RBM25: variants seen among roughly 807,000 people sequenced by gnomAD.
The protein encoded by RBM25 is RNA-binding protein 25.
In RBM25, 19 loss-of-function variants were observed where a neutral mutation model predicts 120.7. The ratio of observed to expected loss-of-function variants is 0.16; its 90% confidence interval spans 0.11 to 0.23. The LOEUF is 0.23. Ranked by LOEUF, RBM25 falls within the 10% of genes least tolerant of loss-of-function variation. The probability of loss-of-function intolerance (pLI) is 1.00; values close to 1 mark genes in which losing one functional copy is unlikely to be tolerated. For synonymous variants in RBM25, 390 were observed against 326.7 expected (o/e 1.19, Z -2.09); for missense variants, 605 against 1,041.5 (o/e 0.58, Z 5.77).
rs184988981 is a variant in RBM25 at position 73,076,180 on chromosome 14, A to G, written c.107-139A>G. ...ATACCACATTCCTTTTGAAAATAAGATAGTATTTATCAGTATTTCACTTTC... is the reference window on the plus strand; with the variant it reads ...ATACCACATTCCTTTTGAAAATAAGGTAGTATTTATCAGTATTTCACTTTC... On this transcript the variant is annotated intron_variant, in intron 2 of 18. Transcript: ENST00000261973. 994 of 712,298 alleles carry G rather than the reference A, an allele frequency of 1.4e-3. 1 individual carries two copies. Among genetic ancestry groups the G allele is most frequent in the Non-Finnish European group, 1.8e-3 (766 of 421,924 alleles). The allele number at this position is 712,298 out of a possible 1,614,324, so 44.1% of individuals were successfully genotyped here.
chr14:73,120,004 C>G lies in RBM25; in HGVS notation c.*199C>G, dbSNP rs917901149. On this transcript the variant is annotated 3_prime_UTR_variant, in exon 19 of 19. Transcript: ENST00000261973. ...TAAAGTCATCTGAATCCTTGGTTCT[C>G]TTTATACTCACCAGGTACAAATTAC... 16 of 644,768 alleles carry G rather than the reference C, an allele frequency of 2.5e-5. No individual in the cohort carries two copies. The highest frequency in any genetic ancestry group is 2.3e-4 in the African/African-American group (12 of 51,182). The allele number at this position is 644,768 out of a possible 1,614,324, so 39.9% of individuals were successfully genotyped here.
Position 73,099,701 on chromosome 14 carries a change from A to G in RBM25, c.818A>G (p.Lys273Arg). The G allele has an allele frequency of 6.2e-7, 1 of 1,607,634 alleles. No individual in the cohort carries two copies. The highest frequency in any genetic ancestry group is 8.5e-7 in the Non-Finnish European group (1 of 1,178,504). Residue 273 changes from lysine (K) to arginine (R), a missense_variant, in exon 9 of 19, where the codon AAA (lysine) becomes AGA (arginine). By Grantham distance (26) the Lys-to-Arg change is conservative. Around this residue, in one of 4 missense-constraint regions of RBM25, gnomAD observed 465 missense variants for 741.6 expected, o/e 0.63. Transcript: ENST00000261973. ...DINAIEMEED[K>R]RDLISREISK... ...AATGCTATAGAAATGGAAGAAGACA[A>G]AAGAGACCTGATATCTCGAGAGATC...
chr14:73,114,754 C>T (rs1312055769), intron 18 of RBM25, among the ~76,000 whole-genome samples: 1 of 152,054 alleles, frequency 6.6e-6, no homozygotes, highest in Non-Finnish European at 1.5e-5. Flanking sequence ...ATTAGCTGTG[C>T]GTGGTGGCGT....
chr14:73,071,772 G>T (rs1420395732), intron 2 of RBM25, 25 bp downstream of exon 2: 1 of 1,547,656 alleles, frequency 6.5e-7, no homozygotes, highest in African/African-American at 1.4e-5. Flanking sequence ...ACTGTTTTTT[G>T]TCGTTAAACT....
rs760410851 is a variant in RBM25 at position 73,099,403 on chromosome 14, C to T, written c.753C>T (p.Ala251=). 9 of 1,602,912 alleles carry T rather than the reference C, an allele frequency of 5.6e-6. No homozygotes were observed. The highest frequency in any genetic ancestry group is 1.8e-5 in the Admixed American group (1 of 55,842). Residue 251 remains alanine (A), a synonymous_variant, in exon 8 of 19, where the codon GCC becomes GCT. Transcript: ENST00000261973. ...AGATTTTCCGCAGATTTCCAGTGGCCCCACTGATCCCTTATCCACTCATCA... is the reference window on the plus strand; with the variant it reads ...AGATTTTCCGCAGATTTCCAGTGGCTCCACTGATCCCTTATCCACTCATCA... The part of the protein sequence containing the change: ...KEDIFRRFPV[A]PLIPYPLITK...
intron 9 of RBM25, chr14:73,100,770 G>T (rs1172253574): frequency 1.3e-5 from 2 of 153,060 alleles, no homozygotes; most frequent in African/African-American, 4.8e-5. Context: ...CAGATGCCCA[G>T]CCCTTGCTCA....
intron 6 of RBM25, among the ~76,000 whole-genome samples, chr14:73,090,726 A>T (rs564352033): frequency 2.6e-5 from 4 of 152,224 alleles, no homozygotes; most frequent in Admixed American, 2.6e-4. Context: ...CCCATCTCTG[A>T]TTACAGATAG....
chr14:73,095,706 A>G (rs1193002549), intron 6 of RBM25, among the ~76,000 whole-genome samples: 1 of 152,230 alleles, frequency 6.6e-6, no homozygotes, highest in Non-Finnish European at 1.5e-5. Flanking sequence ...CTTGTGGTCA[A>G]CTTATAAAGT....
intron 5 of RBM25, 81 bp from the exon 6 acceptor site, chr14:73,087,920 T>A (rs907794400): frequency 7.3e-7 from 1 of 1,377,166 alleles, no homozygotes; most frequent in African/African-American, 1.5e-5. Flanking sequence ...ACATTTGGAC[T>A]CTAGTGATTC....
At chr14:73,112,578 T>A (rs2140463581) in intron 17 of RBM25, among the ~76,000 whole-genome samples, 1 of 152,250 alleles carries the variant, frequency 6.6e-6, no homozygotes, top group South Asian at 2.1e-4. Flanking sequence ...CTGAGAATGC[T>A]GTGCCATCTT....
At chr14:73,105,560 A>G (rs1896167680) in intron 10 of RBM25, among the ~76,000 whole-genome samples, 1 of 152,178 alleles carries the variant, frequency 6.6e-6, no homozygotes, top group South Asian at 2.1e-4. Flanking sequence ...ATTTCAGTAT[A>G]TGATGGGCAT....
rs754630446 is a variant in RBM25, at chr14:73,104,586, C to CG, written c.1154+1109dup. 2.0e-5 allele frequency among the ~76,000 whole-genome samples: 3 copies of CG among 151,942 alleles called. No individual in the cohort carries two copies. In the South Asian group the frequency reaches 6.3e-4, roughly 32 times the overall value. On this transcript the variant is annotated intron_variant, in intron 10 of 18. Transcript: ENST00000261973. ...TTTTGCTATGTTGCCCAGCTGGTCT[C>CG]GAACTCCTGAGCTCAGGTAATCTGC...
intron 6 of RBM25, among the ~76,000 whole-genome samples, chr14:73,091,233 T>C (rs946717050): frequency 2.0e-5 from 3 of 152,164 alleles, no homozygotes; most frequent in Admixed American, 6.5e-5. Flanking sequence ...TGCTTGCTTT[T>C]TTTGGGGTGG....
At chr14:73,060,259 G>C (rs552831592) in intron 1 of RBM25, among the ~76,000 whole-genome samples, 7 of 151,314 alleles carry the variant, frequency 4.6e-5, no homozygotes, top group Non-Finnish European at 7.4e-5. Flanking sequence ...GAATGGTCTC[G>C]ATTTCCTGAC....
intron 14 of RBM25, among the ~76,000 whole-genome samples, 171 bp from the exon 15 acceptor site, chr14:73,110,660 C>A (rs1165937410): frequency 6.6e-6 from 1 of 152,022 alleles, no homozygotes; most frequent in Non-Finnish European, 1.5e-5. Context: ...AACTCCTGAC[C>A]TCAGATGATC....
At chr14:73,090,241 G>A (rs1038153098) in intron 6 of RBM25, among the ~76,000 whole-genome samples, 1 of 151,706 alleles carries the variant, frequency 6.6e-6, no homozygotes. Flanking sequence ...AGTAGAGGTG[G>A]GATTTCTCCA....
At chr14:73,103,946 TCTCACACACA>T (rs1896118591) in intron 10 of RBM25, among the ~76,000 whole-genome samples, 1 of 43,868 alleles carries the variant, frequency 2.3e-5, no homozygotes, top group Non-Finnish European at 4.4e-5. Flanking sequence ...TCTCTCTCTC[TCTCACACACA>T]CACACACACA....
intron 5 of RBM25, among the ~76,000 whole-genome samples, chr14:73,086,491 G>C (rs528094383): frequency 6.6e-6 from 1 of 151,148 alleles, no homozygotes; most frequent in South Asian, 2.1e-4. Flanking sequence ...TTTTTCCAGT[G>C]TATACTAATT....
intron 18 of RBM25, among the ~76,000 whole-genome samples, chr14:73,114,561 T>A (rs1199476412): frequency 6.6e-6 from 1 of 152,164 alleles, no homozygotes; most frequent in African/African-American, 2.4e-5. Context: ...AACATCTATA[T>A]AAACTCACTT....
Sources: allele counts gnomAD v4.1 joint callset (sites outside exome capture counted in the v4.1 genomes callset), GRCh38; gene constraint gnomAD v4.1.1; regional missense constraint gnomAD v4.1.1; transcripts MANE v1.5; gene names NCBI Gene and HGNC (gene_info 2026-07-23, HGNC 2026-07-21).